The following APBA2 variants were observed in gnomAD, a reference collection of about 807,000 sequenced individuals.
APBA2 encodes the protein amyloid-beta A4 precursor protein-binding family A member 2.
APBA2 carries 30 observed loss-of-function variants against 75.0 expected under a neutral mutation model. The observed-to-expected ratio is 0.40, with a 90% CI of 0.30 to 0.54. The LOEUF (loss-of-function observed/expected upper bound fraction) is 0.54. APBA2 is among the 20% of genes least tolerant of loss of function. The probability of loss-of-function intolerance (pLI) is 0.49; values close to 1 mark genes in which losing one functional copy is unlikely to be tolerated. For synonymous variants in APBA2, 444 were observed against 409.6 expected (o/e 1.08, Z -1.01); for missense variants, 801 against 1,016.1 (o/e 0.79, Z 2.88).
chr15:29,050,824 C>T (rs2041560625), intron 3 of APBA2, among the ~76,000 whole-genome samples: 1 of 152,140 alleles, frequency 6.6e-6, no homozygotes, highest in Admixed American at 6.5e-5. Flanking sequence ...TTAGTTTGTT[C>T]TCTTAACAAG....
chr15:28,953,471 A>C lies in APBA2; in HGVS notation c.-95+31722A>C, dbSNP rs940630641. On this transcript the variant is annotated intron_variant, in intron 2 of 14. Transcript: ENST00000683413. ...CTTTGTTTTGCTGTAGAACTTCTGG[A>C]AAGAGTTGTCTGCAGTGGCTTTCTC... 3.3e-5 allele frequency among the ~76,000 whole-genome samples: 5 copies of C among 151,832 alleles called. No homozygotes were observed. In the East Asian group the frequency reaches 9.7e-4, roughly 30 times the overall value.
chr15:29,083,839 A>G (rs2043181912), intron 6 of APBA2, among the ~76,000 whole-genome samples: 2 of 151,892 alleles, frequency 1.3e-5, no homozygotes, highest in African/African-American at 2.4e-5. Context: ...CCCACTACAA[A>G]CTCTTACTGG....
intron 2 of APBA2, among the ~76,000 whole-genome samples, chr15:28,988,451 A>G (rs535525411): frequency 1.3e-5 from 2 of 150,844 alleles, no homozygotes; most frequent in South Asian, 4.2e-4. Flanking sequence ...TTTGGTAGAG[A>G]CGAGGTTTCG....
At chr15:29,035,427 G>A (rs2040697154) in intron 3 of APBA2, among the ~76,000 whole-genome samples, 1 of 152,122 alleles carries the variant, frequency 6.6e-6, no homozygotes, top group Non-Finnish European at 1.5e-5. Flanking sequence ...TCTGGTGCTG[G>A]GACCCTGCTC....
chr15:28,984,621 C>A (rs533941667), intron 2 of APBA2, among the ~76,000 whole-genome samples: 1 of 152,002 alleles, frequency 6.6e-6, no homozygotes, highest in East Asian at 1.9e-4. Context: ...GTCTCTCTGT[C>A]TCTCTCTGGG....
rs1408385748 is a variant in APBA2 at position 29,068,868 on chromosome 15, TACAC to T, written c.952-6050_952-6047del. Reference sequence around the variant, plus strand: ...TCCTATTATTTTTAAACTGTAGTAATACACACGTAACATAAAGTTTACCATTTTA... The same window carrying T: ...TCCTATTATTTTTAAACTGTAGTAATACGTAACATAAAGTTTACCATTTTA... On this transcript the variant is annotated intron_variant, in intron 4 of 14. Coordinates refer to ENST00000683413, the MANE Select transcript of APBA2 (RefSeq NM_001353788.2). Among the ~76,000 whole-genome samples, 49 of 152,354 alleles carry T rather than the reference TACAC, an allele frequency of 3.2e-4. 1 individual carries two copies. Among genetic ancestry groups the T allele is most frequent in the Non-Finnish European group, 2.4e-4 (16 of 68,034 alleles).
chr15:28,913,298 C>T (rs1048114519), intron 1 of APBA2, among the ~76,000 whole-genome samples: 11 of 152,158 alleles, frequency 7.2e-5, no homozygotes, highest in African/African-American at 2.4e-4. Flanking sequence ...GAGGAGCAGG[C>T]GGGGCAGCAT....
At chr15:28,902,780 C>G (rs556558820) in intron 1 of APBA2, among the ~76,000 whole-genome samples, 82 of 152,250 alleles carry the variant, frequency 5.4e-4, no homozygotes, top group African/African-American at 1.9e-3. Context: ...TCCACCATGT[C>G]CCTGGTGGTG....
At chr15:29,115,498 G>A (rs916988444) in intron 14 of APBA2, among the ~76,000 whole-genome samples, 1 of 152,170 alleles carries the variant, frequency 6.6e-6, no homozygotes, top group African/African-American at 2.4e-5. Context: ...TGAAGCGGCC[G>A]CCCCCACGGC....
intron 6 of APBA2, 55 bp from the exon 7 acceptor site, chr15:29,093,019 TC>T: frequency 6.2e-7 from 1 of 1,610,836 alleles, no homozygotes; most frequent in East Asian, 2.2e-5. Context: ...GCATGCAAGT[TC>T]TTTGTTCAGG....
At chr15:28,979,813 G>C (rs1457303276) in intron 2 of APBA2, among the ~76,000 whole-genome samples, 1 of 152,176 alleles carries the variant, frequency 6.6e-6, no homozygotes, top group Admixed American at 6.5e-5. Flanking sequence ...CTCATGCTCA[G>C]GTTCAAAATG....
At chr15:29,006,678 A>T (rs2039133387) in intron 3 of APBA2, among the ~76,000 whole-genome samples, 1 of 152,082 alleles carries the variant, frequency 6.6e-6, no homozygotes, top group Admixed American at 6.6e-5. Flanking sequence ...CATTTATAAA[A>T]CCATCAGATC....
chr15:29,020,199 A>G (rs1039048444), intron 3 of APBA2, among the ~76,000 whole-genome samples: 1 of 152,090 alleles, frequency 6.6e-6, no homozygotes, highest in East Asian at 1.9e-4. Flanking sequence ...AAGCAAAAAA[A>G]GGTTTAATAC....
chr15:28,952,214 A>G (rs1304398801), intron 2 of APBA2, among the ~76,000 whole-genome samples: 1 of 152,064 alleles, frequency 6.6e-6, no homozygotes, highest in African/African-American at 2.4e-5. Context: ...AGCAACAACA[A>G]AAAAGACTTG....
At chr15:29,027,512 T>C (rs1318223259) in intron 3 of APBA2, among the ~76,000 whole-genome samples, 1 of 152,166 alleles carries the variant, frequency 6.6e-6, no homozygotes, top group East Asian at 1.9e-4. Flanking sequence ...TTCTTTCTTT[T>C]TCTTGATTTG....
intron 1 of APBA2, among the ~76,000 whole-genome samples, chr15:28,893,557 G>A (rs1047052806): frequency 6.6e-6 from 1 of 152,210 alleles, no homozygotes; most frequent in South Asian, 2.1e-4. Context: ...GGGTGAAGTC[G>A]AGGTTTTCCT....
chr15:28,939,018 C>G (rs2035035160), intron 2 of APBA2, among the ~76,000 whole-genome samples: 1 of 152,140 alleles, frequency 6.6e-6, no homozygotes, highest in African/African-American at 2.4e-5. Context: ...CTCTCCTTTC[C>G]CCCTTCCTCC....
intron 3 of APBA2, among the ~76,000 whole-genome samples, chr15:29,047,684 A>G (rs574813965): frequency 4.6e-5 from 7 of 152,324 alleles, no homozygotes; most frequent in African/African-American, 1.7e-4. Flanking sequence ...AGTGCAGGGC[A>G]GGGTAGTTAG....
chr15:28,913,744 T>G (rs1235456211), intron 1 of APBA2, among the ~76,000 whole-genome samples: 1 of 152,214 alleles, frequency 6.6e-6, no homozygotes, highest in African/African-American at 2.4e-5. Context: ...AGCACTTATT[T>G]AAATTAAAAA....
Sources: allele counts gnomAD v4.1 joint callset (sites outside exome capture counted in the v4.1 genomes callset), GRCh38; gene constraint gnomAD v4.1.1; transcripts MANE v1.5; gene names NCBI Gene and HGNC (gene_info 2026-07-23, HGNC 2026-07-21).